The following RNFT2 variants were observed in gnomAD, a reference collection of about 807,000 sequenced individuals.
The protein encoded by RNFT2 is E3 ubiquitin-protein ligase RNFT2.
RNFT2 carries 36 observed loss-of-function variants against 53.0 expected under a neutral mutation model. The observed-to-expected ratio is 0.68, with a 90% CI of 0.52 to 0.90. RNFT2 has a LOEUF of 0.90. RNFT2 is among the 40% of genes least tolerant of loss of function. RNFT2 has a pLI of 0.00. For missense variants in RNFT2, 514 were observed against 585.6 expected, an observed-to-expected ratio of 0.88 and a Z score of 1.26; for synonymous variants, 260 against 253.2, an observed-to-expected ratio of 1.03 and a Z score of -0.26.
chr12:116,832,735 G>T (rs1876742157), intron 7 of RNFT2, among the ~76,000 whole-genome samples: 1 of 151,994 alleles, frequency 6.6e-6, no homozygotes, highest in Non-Finnish European at 1.5e-5. Context: ...TTTTCTCCAG[G>T]AATAATGCTA....
chr12:116,823,135 A>C (rs1485769916), intron 7 of RNFT2, among the ~76,000 whole-genome samples: 1 of 152,192 alleles, frequency 6.6e-6, no homozygotes, highest in Non-Finnish European at 1.5e-5. Flanking sequence ...TTTGTGACCT[A>C]ATACATTTCC....
chr12:116,848,867 T>C (rs1877751882), intron 10 of RNFT2, among the ~76,000 whole-genome samples: 1 of 151,988 alleles, frequency 6.6e-6, no homozygotes, highest in African/African-American at 2.4e-5. Context: ...TCACCTAGGC[T>C]GGAGTGCAGT....
chr12:116,843,017 T>C (rs1877428528), intron 10 of RNFT2, among the ~76,000 whole-genome samples: 1 of 152,160 alleles, frequency 6.6e-6, no homozygotes, highest in Non-Finnish European at 1.5e-5. Context: ...AATGCCCCTC[T>C]CCCACTCAAA....
intron 7 of RNFT2, among the ~76,000 whole-genome samples, chr12:116,800,842 A>ATAAAATAAAG (rs1403917744): frequency 2.0e-5 from 3 of 149,666 alleles, no homozygotes; most frequent in Non-Finnish European, 4.4e-5. Flanking sequence ...ATAAAATAAA[A>ATAAAATAAAG]TAAAATAAAA....
intron 5 of RNFT2, among the ~76,000 whole-genome samples, chr12:116,761,036 G>A (rs1025803993): frequency 6.6e-6 from 1 of 152,090 alleles, no homozygotes; most frequent in African/African-American, 2.4e-5. Flanking sequence ...TCACCCCTGG[G>A]TAGATCCCTG....
chr12:116,782,550 G>A (rs1244004953), intron 7 of RNFT2, among the ~76,000 whole-genome samples: 3 of 151,976 alleles, frequency 2.0e-5, no homozygotes, highest in South Asian at 2.1e-4. Flanking sequence ...AATAAAAAAT[G>A]TAAATAAAAA....
intron 7 of RNFT2, among the ~76,000 whole-genome samples, chr12:116,810,822 G>T (rs1275924221): frequency 3.3e-5 from 5 of 152,150 alleles, no homozygotes; most frequent in African/African-American, 1.2e-4. Context: ...GCTTCCATTG[G>T]GGTAGGGGGG....
chr12:116,784,407 A>C (rs566344953), intron 7 of RNFT2, among the ~76,000 whole-genome samples: 71 of 152,274 alleles, frequency 4.7e-4, no homozygotes, highest in African/African-American at 1.6e-3. Flanking sequence ...CTGGCCAATG[A>C]ATGGGCTGCA....
intron 5 of RNFT2, among the ~76,000 whole-genome samples, chr12:116,763,167 G>A (rs1872756537): frequency 1.6e-5 from 1 of 62,074 alleles, no homozygotes; most frequent in Non-Finnish European, 3.7e-5. Flanking sequence ...TCAAAAGTCT[G>A]TGCTTTCAGA....
intron 7 of RNFT2, among the ~76,000 whole-genome samples, chr12:116,800,833 T>A (rs1874742563): frequency 6.9e-6 from 1 of 145,096 alleles, no homozygotes; most frequent in African/African-American, 2.7e-5. Context: ...TAAAATAAAA[T>A]AAAATAAAAT....
In RNFT2 at chr12:116,810,205, G is replaced by T. The variant is rs145198263; in HGVS notation, c.883-23587G>T. Among the ~76,000 whole-genome samples, 377 of 152,196 alleles carry T rather than the reference G, an allele frequency of 2.5e-3. 3 individuals are homozygous for T. The highest frequency in any genetic ancestry group is 8.5e-3 in the African/African-American group (352 of 41,532). ...GGAAGCAGTCACTCCAAGGCCCTCT[G>T]GGAAAACAGAGAATGGACACCTAAA... On this transcript the variant is annotated intron_variant, in intron 7 of 10. Coordinates refer to ENST00000257575, the MANE Select transcript of RNFT2 (RefSeq NM_001382266.1).
chr12:116,852,806 T>A lies in RNFT2; in HGVS notation c.*3358T>A. The A allele has an allele frequency of 1.6e-6, 2 of 1,261,796 alleles. No individual in the cohort carries two copies. Among genetic ancestry groups the A allele is most frequent in the South Asian group, 2.4e-5 (2 of 82,234 alleles). The allele number at this position is 1,261,796 out of a possible 1,614,324, so 78.2% of individuals were successfully genotyped here. A position where few individuals can be genotyped will look rare whatever the true frequency, so the allele number is the denominator to read the frequency against. On this transcript the variant is annotated 3_prime_UTR_variant, in exon 11 of 11. Coordinates refer to ENST00000257575, the MANE Select transcript of RNFT2 (RefSeq NM_001382266.1). ...GTCACTCAGCCTCCCTGTAGCCATC[T>A]CCAGGGTGACGGAACCCAGTGTATT...
intron 7 of RNFT2, among the ~76,000 whole-genome samples, chr12:116,823,144 C>A (rs1876137166): frequency 6.6e-6 from 1 of 152,204 alleles, no homozygotes; most frequent in Admixed American, 6.5e-5. Context: ...TAATACATTT[C>A]CTTCTTTGTG....
chr12:116,766,655 A>G (rs1462847371), intron 5 of RNFT2, among the ~76,000 whole-genome samples, 159 bp from the exon 6 acceptor site: 3 of 152,216 alleles, frequency 2.0e-5, no homozygotes, highest in South Asian at 4.1e-4. Context: ...CCGCTTGGGT[A>G]TCAGTGGAAT....
chr12:116,803,885 G>T (rs904076641), intron 7 of RNFT2, among the ~76,000 whole-genome samples: 7 of 152,210 alleles, frequency 4.6e-5, no homozygotes, highest in Non-Finnish European at 1.0e-4. Context: ...CAAGGCAGTG[G>T]TGCAGAACAC....
At chr12:116,758,271 T>C (rs1872577735) in intron 5 of RNFT2, among the ~76,000 whole-genome samples, 1 of 152,244 alleles carries the variant, frequency 6.6e-6, no homozygotes, top group Admixed American at 6.5e-5. Flanking sequence ...TTCTTATCTA[T>C]TCTGTGATTC....
At chr12:116,764,270 T>G (rs916979369) in intron 5 of RNFT2, among the ~76,000 whole-genome samples, 4 of 152,162 alleles carry the variant, frequency 2.6e-5, no homozygotes, top group East Asian at 1.9e-4. Context: ...GCCCAGGTGA[T>G]GGGTGCACGA....
intron 7 of RNFT2, among the ~76,000 whole-genome samples, chr12:116,822,360 C>T (rs1876086335): frequency 6.6e-6 from 1 of 152,148 alleles, no homozygotes; most frequent in Non-Finnish European, 1.5e-5. Context: ...CTCTCTCTCT[C>T]TGTGGCAATT....
chr12:116,766,905 T>C lies in RNFT2; in HGVS notation c.719T>C (p.Leu240Pro). ...YVLYTFSSQQ[L>P]YNSLIFLKPN... ...CTTTATACATTCAGCTCCCAGCAGC[T>C]GTACAACAGGTGAGCATGGGAATCC... The change falls in exon 6 of 11, where the codon CTG becomes CCG. Residue 240 changes from leucine to proline, a missense_variant. Around this residue, in one of 3 missense-constraint regions of RNFT2, gnomAD observed 273 missense variants for 334.4 expected, o/e 0.82. Coordinates refer to ENST00000257575, the MANE Select transcript of RNFT2 (RefSeq NM_001382266.1). 1.3e-6 allele frequency: 2 copies of C among 1,582,134 alleles called. No homozygotes were observed. Among genetic ancestry groups the C allele is most frequent in the Non-Finnish European group, 1.7e-6 (2 of 1,163,184 alleles).
Sources: gnomAD v4.1 joint callset for allele counts (sites outside exome capture counted in the v4.1 genomes callset) on GRCh38, gnomAD v4.1.1 for gene constraint, gnomAD v4.1.1 regional missense constraint, MANE v1.5 for transcripts, NCBI Gene and HGNC (gene_info 2026-07-23, HGNC 2026-07-21) for gene names.